The following KIAA1217 variants were observed in gnomAD, a reference collection of about 807,000 sequenced individuals.
KIAA1217 encodes sickle tail protein homolog.
A neutral mutation model predicts 163.9 loss-of-function variants in KIAA1217; 88 were observed. The ratio of observed to expected loss-of-function variants is 0.54; its 90% CI spans 0.45 to 0.64. The LOEUF (loss-of-function observed/expected upper bound fraction) is 0.64. KIAA1217 is among the 30% of genes least tolerant of loss of function. The pLI is 0.00. For missense variants in KIAA1217, 2,372 were observed against 2,475.0 expected (o/e 0.96, Z 0.88); for synonymous variants, 903 against 923.1 (o/e 0.98, Z 0.39).
chr10:24,141,896 G>T (rs1193165971), intron 2 of KIAA1217, among the ~76,000 whole-genome samples: 4 of 151,480 alleles, frequency 2.6e-5, no homozygotes, highest in Non-Finnish European at 5.9e-5. Context: ...TATGTGTTTT[G>T]TGTTCTAAAT....
At chr10:23,719,721 G>A (rs6482317) in intron 1 of KIAA1217, among the ~76,000 whole-genome samples, 13,058 of 151,786 alleles carry the variant, frequency 0.086, 1,859 homozygotes, top group African/African-American at 0.29. Flanking sequence ...GATCGAGACC[G>A]TCCTGGCCAA....
chr10:23,954,902 C>T (rs1330101459), intron 1 of KIAA1217, among the ~76,000 whole-genome samples: 1 of 152,046 alleles, frequency 6.6e-6, no homozygotes, highest in Non-Finnish European at 1.5e-5. Context: ...AAAGAACATA[C>T]ACTTTGAACC....
chr10:23,942,630 A>T (rs1342433294), intron 1 of KIAA1217, among the ~76,000 whole-genome samples: 1 of 152,202 alleles, frequency 6.6e-6, no homozygotes, highest in Non-Finnish European at 1.5e-5. Flanking sequence ...AATTCTGAGA[A>T]ATCAAACACA....
At chr10:24,006,848 C>T (rs1004598687) in intron 1 of KIAA1217, among the ~76,000 whole-genome samples, 2 of 152,226 alleles carry the variant, frequency 1.3e-5, no homozygotes, top group South Asian at 2.1e-4. Context: ...ATTAGAGATG[C>T]GAGTCTGCAA....
At chr10:24,324,588 A>G (rs2044621949) in intron 2 of KIAA1217, among the ~76,000 whole-genome samples, 1 of 152,102 alleles carries the variant, frequency 6.6e-6, no homozygotes, top group South Asian at 2.1e-4. Flanking sequence ...ACAAACAAAC[A>G]TACAAAACAA....
chr10:24,054,004 T>G (rs887091113), intron 2 of KIAA1217, among the ~76,000 whole-genome samples: 1 of 151,958 alleles, frequency 6.6e-6, no homozygotes, highest in Non-Finnish European at 1.5e-5. Flanking sequence ...AAAAAAAAAG[T>G]TTGTTCATGT....
intron 1 of KIAA1217, among the ~76,000 whole-genome samples, chr10:23,882,731 A>T (rs544454000): frequency 6.6e-6 from 1 of 152,060 alleles, no homozygotes; most frequent in African/African-American, 2.4e-5. Context: ...CATGCTAAAT[A>T]TTAAGTACAG....
intron 2 of KIAA1217, among the ~76,000 whole-genome samples, chr10:24,285,200 T>C (rs1184396432): frequency 6.6e-6 from 1 of 152,234 alleles, no homozygotes; most frequent in African/African-American, 2.4e-5. Flanking sequence ...GTTGATAGTA[T>C]CTTTTGCTGT....
chr10:24,471,694 C>T (rs916921163), intron 5 of KIAA1217, among the ~76,000 whole-genome samples: 1 of 151,890 alleles, frequency 6.6e-6, no homozygotes, highest in African/African-American at 2.4e-5. Flanking sequence ...ACTAGCCGGG[C>T]CAACATGGAG....
chr10:23,711,224 A>G (rs1189091972), intron 1 of KIAA1217, among the ~76,000 whole-genome samples: 1 of 152,202 alleles, frequency 6.6e-6, no homozygotes, highest in Non-Finnish European at 1.5e-5. Context: ...TCCACATTCT[A>G]ATTCCTAAAA....
intron 2 of KIAA1217, among the ~76,000 whole-genome samples, chr10:24,078,919 G>A (rs2061453281): frequency 6.6e-6 from 1 of 152,280 alleles, no homozygotes; most frequent in African/African-American, 2.4e-5. Context: ...TACAACCAAA[G>A]GATCCCTCGT....
intron 1 of KIAA1217, among the ~76,000 whole-genome samples, chr10:23,971,052 CT>C (rs1183532321): frequency 6.6e-6 from 1 of 152,190 alleles, no homozygotes; most frequent in East Asian, 1.9e-4. Context: ...ATGATTTGAC[CT>C]TTGACTTAGG....
At chr10:23,933,503 T>C (rs914807807) in intron 1 of KIAA1217, among the ~76,000 whole-genome samples, 1 of 152,192 alleles carries the variant, frequency 6.6e-6, no homozygotes, top group South Asian at 2.1e-4. Flanking sequence ...TAAAATTACA[T>C]GATTTTCTGT....
At chr10:23,811,988 G>A (rs1341649460) in intron 1 of KIAA1217, among the ~76,000 whole-genome samples, 2 of 152,158 alleles carry the variant, frequency 1.3e-5, no homozygotes, top group African/African-American at 4.8e-5. Context: ...GGGGGGCTGA[G>A]GTGAGGGGAT....
intron 5 of KIAA1217, among the ~76,000 whole-genome samples, chr10:24,454,553 G>T (rs949053053): frequency 6.6e-6 from 1 of 152,136 alleles, no homozygotes; most frequent in African/African-American, 2.4e-5. Flanking sequence ...AATAGCAGGG[G>T]CCTGATCTGT....
chr10:23,726,332 T>C (rs898983975), intron 1 of KIAA1217, among the ~76,000 whole-genome samples: 1 of 151,300 alleles, frequency 6.6e-6, no homozygotes, highest in Non-Finnish European at 1.5e-5. Context: ...AAATCATATT[T>C]TTTATTTGAA....
intron 5 of KIAA1217, among the ~76,000 whole-genome samples, chr10:24,462,926 A>G (rs986316669): frequency 2.6e-5 from 4 of 152,242 alleles, no homozygotes; most frequent in African/African-American, 9.6e-5. Flanking sequence ...CTAGCATCCA[A>G]TCTAGAAAAC....
chr10:24,354,707 C>T (rs565611297), intron 2 of KIAA1217, among the ~76,000 whole-genome samples: 47 of 128,698 alleles, frequency 3.7e-4, no homozygotes, highest in African/African-American at 1.8e-3. Context: ...CCAAACTCCT[C>T]TCAGCATTCA....
At chr10:24,224,995 A>G (rs569360362) in intron 2 of KIAA1217, among the ~76,000 whole-genome samples, 1 of 151,202 alleles carries the variant, frequency 6.6e-6, no homozygotes, top group Non-Finnish European at 1.5e-5. Context: ...CCTAGCTAAT[A>G]TTTTGTATTT....
Sources: allele counts gnomAD v4.1 joint callset (sites outside exome capture counted in the v4.1 genomes callset), GRCh38; gene constraint gnomAD v4.1.1; transcripts MANE v1.5; gene names NCBI Gene and HGNC (gene_info 2026-07-23, HGNC 2026-07-21).